Variants in CSNK2A3 observed in about 807,000 individuals in gnomAD.
The protein encoded by CSNK2A3 is casein kinase 2 alpha 3.
CSNK2A3 carries 31 observed loss-of-function variants against 36.5 expected under a neutral mutation model. That is an observed-to-expected ratio of 0.85 (90% CI 0.64 to 1.15). CSNK2A3 has a LOEUF of 1.15. Among genes scored for constraint, CSNK2A3 ranks in the 50% most tolerant of loss-of-function variants. The pLI is 0.00. For missense variants in CSNK2A3, 443 were observed against 487.2 expected (o/e 0.91, Z 0.85); for synonymous variants, 152 against 176.3 (o/e 0.86, Z 1.09).
At position 11,352,450 on chromosome 11, in the gene CSNK2A3, T is replaced by C; in HGVS notation, c.670A>G (p.Ser224Gly). ...DMWRLGCMLA[S>G]MIFRKEPFFH... is the part of the protein sequence containing the mutation. ...AATGGCTCCTTCCGAAAGATCATAC[T>C]TGCCAGCATACAACCCAATCTCCAC... Residue 224 changes from serine to glycine, a missense_variant, in exon 1 of 1, where the codon AGT becomes GGT. Ser to Gly is a moderately conservative substitution (Grantham distance 56). Transcript: ENST00000528848. 6.2e-7 allele frequency: 1 copy of C among 1,614,208 alleles called. No homozygotes were observed. Among genetic ancestry groups the C allele is most frequent in the African/African-American group, 1.3e-5 (1 of 75,056 alleles).
chr11:11,352,231 C>T lies in CSNK2A3; in HGVS notation c.889G>A (p.Ala297Thr), dbSNP rs752249336. 28 of 1,613,950 alleles carry T rather than the reference C, an allele frequency of 1.7e-5. No homozygotes were observed. The highest frequency in any genetic ancestry group is 2.4e-5 in the Non-Finnish European group (28 of 1,179,986). Residue 297 changes from alanine (A) to threonine (T), a missense_variant, in exon 1 of 1, where the codon GCC becomes ACC. Transcript: ENST00000528848. ...SENQHLVSPE[A>T]LDFLDKLLRY... ...AGCAGTTTGTCCAGGAAATCCAAGGCCTCAGGGCTGACAAGGTGCTGATTT... is the reference window on the plus strand; with the variant it reads ...AGCAGTTTGTCCAGGAAATCCAAGGTCTCAGGGCTGACAAGGTGCTGATTT...
In CSNK2A3 at chr11:11,352,485, C is replaced by G. The variant is rs1850432257; in HGVS notation, c.635G>C (p.Ser212Thr). The G allele has an allele frequency of 6.2e-7, 1 of 1,614,014 alleles. No individual in the cohort carries two copies. The highest frequency in any genetic ancestry group is 1.7e-5 in the Admixed American group (1 of 60,000). Residue 212 changes from serine (S) to threonine (T), a missense_variant, in exon 1 of 1, where the codon AGT (serine) becomes ACT (threonine). By Grantham distance (58) the Ser-to-Thr change is moderately conservative (BLOSUM62 1). Transcript: ENST00000528848. The stretch of plus-strand genomic sequence containing the variant: ...ACAACCCAATCTCCACATATCCAAA[C>G]TATAATCGTACATCTGATAGTCTAC... ...LLVDYQMYDYSLDMWRLGCML... is the reference protein window; with the variant it reads ...LLVDYQMYDYTLDMWRLGCML...
rs753688152 is a variant in CSNK2A3 at position 11,352,189 on chromosome 11, A to G, written c.931T>C (p.Ser311Pro). 1 of 1,613,672 alleles carries G rather than the reference A, an allele frequency of 6.2e-7. No homozygotes were observed. The highest frequency in any genetic ancestry group is 1.7e-5 in the Admixed American group (1 of 59,930). Residue 311 changes from serine to proline, a missense_variant, in exon 1 of 1, where the codon TCA becomes CCA. By Grantham distance (74) the Ser-to-Pro change is moderately conservative. Transcript: ENST00000528848. The part of the protein sequence containing the change: ...LDKLLRYDHQ[S>P]RLTAREAMEH... ...ATGGCCTCTCTTGCAGTAAGCCGTGACTGGTGGTCATATCGCAGCAGTTTG... is the reference window on the plus strand; with the variant it reads ...ATGGCCTCTCTTGCAGTAAGCCGTGGCTGGTGGTCATATCGCAGCAGTTTG...
chr11:11,353,190 C>A lies in CSNK2A3; in HGVS notation c.-71G>T. ...TGGCAGTCACTGTGTTCAGAAGCAGCTTGGGGGTAAGACCTTGTTTCAGAC... is the reference window on the plus strand; with the variant it reads ...TGGCAGTCACTGTGTTCAGAAGCAGATTGGGGGTAAGACCTTGTTTCAGAC... On this transcript the variant is annotated 5_prime_UTR_variant, in exon 1 of 1. Transcript: ENST00000528848. 1.3e-6 allele frequency: 2 copies of A among 1,594,792 alleles called. No individual in the cohort carries two copies. Among genetic ancestry groups the A allele is most frequent in the Non-Finnish European group, 1.7e-6 (2 of 1,164,358 alleles).
rs536232967 is a variant in CSNK2A3 at position 11,352,071 on chromosome 11, T to C, written c.1049A>G (p.Asn350Ser). Residue 350 changes from asparagine (N) to serine (S), a missense_variant, in exon 1 of 1, where the codon AAT becomes AGT. Asn to Ser is a conservative substitution (Grantham distance 46). Coordinates refer to ENST00000528848, the MANE Select transcript of CSNK2A3 (RefSeq NM_001256686.2). ...CACTGAAGAAATCCCTGACATCACA[T>C]TGGCGCTGCTGACGGGCGTACTGCC... ...PGGSTPVSSA[N>S]VMSGISSVPT... 1.1e-4 allele frequency: 178 copies of C among 1,613,678 alleles called. No homozygotes were observed. The East Asian group carries it at 3.5e-3, about 32-fold the overall frequency.
At position 11,352,376 on chromosome 11, in the gene CSNK2A3, A is replaced by T; in HGVS notation, c.744T>A (p.Phe248Leu). Reference sequence around the variant, plus strand: ...AGCCATATAAATCTTCTGTCCCCAGAAACTTGGCTATCCTCACCAACTGAT... The same window carrying T: ...AGCCATATAAATCTTCTGTCCCCAGTAACTTGGCTATCCTCACCAACTGAT... ...NYDQLVRIAKFLGTEDLYGYI... is the reference protein window; with the variant it reads ...NYDQLVRIAKLLGTEDLYGYI... The change falls in exon 1 of 1, where the codon TTT (phenylalanine) becomes TTA (leucine). Residue 248 changes from phenylalanine (F) to leucine (L), a missense_variant. Transcript: ENST00000528848. 1.2e-6 allele frequency: 2 copies of T among 1,614,102 alleles called. No individual in the cohort carries two copies. Among genetic ancestry groups the T allele is most frequent in the Non-Finnish European group, 1.7e-6 (2 of 1,180,020 alleles).
At position 11,352,293 on chromosome 11, in the gene CSNK2A3, T is replaced by C. The variant is rs547913567; in HGVS notation, c.827A>G (p.His276Arg). The change falls in exon 1 of 1, where the codon CAC becomes CGC. Residue 276 changes from histidine (H) to arginine (R), a missense_variant. Transcript: ENST00000528848. ...AAAGCGTTCCCATCGCTTTCGAGAG[T>C]GTCTGCCCAAGATATCATTGAAACG... The part of the protein sequence containing the change: ...DPRFNDILGR[H>R]SRKRWERFVH... 2 of 1,613,998 alleles carry C rather than the reference T, an allele frequency of 1.2e-6. No homozygotes were observed. Among genetic ancestry groups the C allele is most frequent in the Non-Finnish European group, 1.7e-6 (2 of 1,179,998 alleles).
Position 11,352,774 on chromosome 11 carries a change from C to G in CSNK2A3, c.346G>C (p.Val116Leu). ...SRTPALVFEH[V>L]NNTDFKQLYQ... ...AATTGCTTGAAGTCTGTGTTGTTTACGTGTTCAAAAACCAAGGCGGGGGTT... is the reference window on the plus strand; with the variant it reads ...AATTGCTTGAAGTCTGTGTTGTTTAGGTGTTCAAAAACCAAGGCGGGGGTT... The change falls in exon 1 of 1, where the codon GTA becomes CTA. Residue 116 changes from valine to leucine, a missense_variant. Physicochemically the swap from Val to Leu is conservative, Grantham distance 32 (BLOSUM62 1). Transcript: ENST00000528848. 1 of 1,614,138 alleles carries G rather than the reference C, an allele frequency of 6.2e-7. No individual in the cohort carries two copies. The highest frequency in any genetic ancestry group is 8.5e-7 in the Non-Finnish European group (1 of 1,180,038).
In CSNK2A3 at chr11:11,351,955, C is replaced by A. The variant is rs549781353; in HGVS notation, c.1165G>T (p.Ala389Ser). 8 of 1,594,054 alleles carry A rather than the reference C, an allele frequency of 5.0e-6. No homozygotes were observed. Among genetic ancestry groups the A allele is most frequent in the African/African-American group, 1.3e-5 (1 of 74,426 alleles). Residue 389 changes from alanine to serine, a missense_variant, in exon 1 of 1, where the codon GCT becomes TCT. By Grantham distance (99) the Ala-to-Ser change is moderately conservative. Transcript: ENST00000528848. ...GACAGATAGGGCCGTTACTGCTGAG[C>A]GCCAGTGGCAGCTGGAACAGGCATC... ...LGMPVPAATGAQQ is the reference protein window; with the variant it reads ...LGMPVPAATGSQQ
Position 11,352,276 on chromosome 11 carries a change from C to G in CSNK2A3, c.844G>C (p.Glu282Gln). ...ILGRHSRKRW[E>Q]RFVHSENQHL... ...TGATTTTCACTGTGGACAAAGCGTT[C>G]CCATCGCTTTCGAGAGTGTCTGCCC... is the stretch of plus-strand genomic sequence containing the variant. Residue 282 changes from glutamate (E) to glutamine (Q), a missense_variant, in exon 1 of 1, where the codon GAA (glutamate) becomes CAA (glutamine). Physicochemically the swap from Glu to Gln is conservative, Grantham distance 29. Coordinates refer to ENST00000528848, the MANE Select transcript of CSNK2A3 (RefSeq NM_001256686.2). The G allele has an allele frequency of 6.2e-7, 1 of 1,614,064 alleles. No homozygotes were observed. Among genetic ancestry groups the G allele is most frequent in the African/African-American group, 1.3e-5 (1 of 75,006 alleles).
Position 11,352,173 on chromosome 11 carries a change from C to G in CSNK2A3, c.947G>C (p.Arg316Thr), listed in dbSNP as rs751174102. The G allele has an allele frequency of 4.3e-6, 7 of 1,613,674 alleles. 1 individual carries two copies. The highest frequency in any genetic ancestry group is 1.1e-5 in the South Asian group (1 of 91,004). Residue 316 changes from arginine (R) to threonine (T), a missense_variant, in exon 1 of 1, where the codon AGA becomes ACA. Coordinates refer to ENST00000528848, the MANE Select transcript of CSNK2A3 (RefSeq NM_001256686.2). ...GAAATAGGGGTGCTCCATGGCCTCT[C>G]TTGCAGTAAGCCGTGACTGGTGGTC... ...RYDHQSRLTA[R>T]EAMEHPYFYT...
the CSNK2A3 span, chr11:11,352,894 TC>T: frequency 6.2e-7 from 1 of 1,614,076 alleles, no homozygotes; most frequent in African/African-American, 1.3e-5. Flanking sequence ...TTAATTTTCT[TC>T]TTTTTTACTG....
the CSNK2A3 span, chr11:11,353,041 C>A: frequency 2.5e-6 from 4 of 1,614,194 alleles, no homozygotes; most frequent in South Asian, 1.1e-5. Context: ...ACATGTGACT[C>A]GTAATCCCAG....
Position 11,352,490 on chromosome 11 carries a change from A to T in CSNK2A3, c.630T>A (p.Asp210Glu), listed in dbSNP as rs570045458. 1.5e-5 allele frequency: 24 copies of T among 1,614,082 alleles called. No homozygotes were observed. The East Asian group carries it at 5.3e-4, about 36-fold the overall frequency. ...PELLVDYQMYDYSLDMWRLGC... is the reference protein window; with the variant it reads ...PELLVDYQMYEYSLDMWRLGC... ...CCAATCTCCACATATCCAAACTATA[A>T]TCGTACATCTGATAGTCTACAAGTA... The change falls in exon 1 of 1, where the codon GAT becomes GAA. Residue 210 changes from aspartate (D) to glutamate (E), a missense_variant. Physicochemically the swap from Asp to Glu is conservative, Grantham distance 45. Coordinates refer to ENST00000528848, the MANE Select transcript of CSNK2A3 (RefSeq NM_001256686.2).
rs1850444736 is a variant in CSNK2A3 at position 11,352,837 on chromosome 11, T to C, written c.283A>G (p.Ile95Val). 1.2e-6 allele frequency: 2 copies of C among 1,614,266 alleles called. No individual in the cohort carries two copies. The highest frequency in any genetic ancestry group is 4.5e-5 in the East Asian group (2 of 44,894). ...LENLRGGPNI[I>V]TLADIVKDPV... Reference sequence around the variant, plus strand: ...TCTTTTACAATGTCTGCCAGTGTGATGATGTTGGGACCTCCTCTCAAATTC... The same window carrying C: ...TCTTTTACAATGTCTGCCAGTGTGACGATGTTGGGACCTCCTCTCAAATTC... Residue 95 changes from isoleucine to valine, a missense_variant, in exon 1 of 1, where the codon ATC becomes GTC. Physicochemically the swap from Ile to Val is conservative, Grantham distance 29. Transcript: ENST00000528848.
rs779282650 is a variant in CSNK2A3 at position 11,352,449 on chromosome 11, C to T, written c.671G>A (p.Ser224Asn). 1.9e-6 allele frequency: 3 copies of T among 1,614,174 alleles called. No individual in the cohort carries two copies. Among genetic ancestry groups the T allele is most frequent in the African/African-American group, 1.3e-5 (1 of 75,038 alleles). Reference sequence around the variant, plus strand: ...AAATGGCTCCTTCCGAAAGATCATACTTGCCAGCATACAACCCAATCTCCA... The same window carrying T: ...AAATGGCTCCTTCCGAAAGATCATATTTGCCAGCATACAACCCAATCTCCA... Reference protein sequence around the residue: ...DMWRLGCMLASMIFRKEPFFH... With the variant: ...DMWRLGCMLANMIFRKEPFFH... Residue 224 changes from serine (S) to asparagine (N), a missense_variant, in exon 1 of 1, where the codon AGT becomes AAT. Transcript: ENST00000528848.
the CSNK2A3 span, chr11:11,352,288 G>A: frequency 2.8e-4 from 448 of 1,613,960 alleles, no homozygotes; most frequent in Non-Finnish European, 3.4e-4. Flanking sequence ...CATCGCTTTC[G>A]AGAGTGTCTG....
chr11:11,352,447 T>C lies in CSNK2A3; in HGVS notation c.673A>G (p.Met225Val), dbSNP rs757714799. 13 of 1,614,160 alleles carry C rather than the reference T, an allele frequency of 8.1e-6. No homozygotes were observed. The highest frequency in any genetic ancestry group is 2.2e-5 in the East Asian group (1 of 44,888). The change falls in exon 1 of 1, where the codon ATG becomes GTG. Residue 225 changes from methionine (M) to valine (V), a missense_variant. Transcript: ENST00000528848. ...MWRLGCMLAS[M>V]IFRKEPFFHG... ...AAAAATGGCTCCTTCCGAAAGATCATACTTGCCAGCATACAACCCAATCTC... is the reference window on the plus strand; with the variant it reads ...AAAAATGGCTCCTTCCGAAAGATCACACTTGCCAGCATACAACCCAATCTC...
In CSNK2A3 at chr11:11,352,620, T is replaced by C; in HGVS notation, c.500A>G (p.Glu167Gly). ...GTCTATTAGTCGTAGCTTTCTGTGC[T>C]CATGATCAATCATGACATTATGGGG... is the stretch of plus-strand genomic sequence containing the variant. ...VKPHNVMIDH[E>G]HRKLRLIDWG... The change falls in exon 1 of 1, where the codon GAG becomes GGG. Residue 167 changes from glutamate (E) to glycine (G), a missense_variant. Transcript: ENST00000528848. The C allele has an allele frequency of 1.9e-6, 3 of 1,614,164 alleles. No homozygotes were observed. Among genetic ancestry groups the C allele is most frequent in the Non-Finnish European group, 2.5e-6 (3 of 1,180,032 alleles).
Sources: gnomAD v4.1 joint callset for allele counts on GRCh38, gnomAD v4.1.1 for gene constraint, MANE v1.5 for transcripts, NCBI Gene and HGNC (gene_info 2026-07-23, HGNC 2026-07-21) for gene names.